ZDHHC24: variants seen among roughly 807,000 people sequenced by gnomAD.
ZDHHC24 encodes zDHHC palmitoyltransferase 24, also known as probable palmitoyltransferase ZDHHC24.
A neutral mutation model predicts 23.2 loss-of-function variants in ZDHHC24; 17 were observed. That is an observed-to-expected ratio of 0.73 (90% CI 0.50 to 1.10). The LOEUF is 1.10. Among genes scored for constraint, ZDHHC24 ranks in the 50% least tolerant of loss-of-function variants. The pLI, the probability that ZDHHC24 is intolerant of heterozygous loss-of-function variation, is 0.00. For synonymous variants in ZDHHC24, 186 were observed against 194.5 expected, an observed-to-expected ratio of 0.96 and a Z score of 0.36; for missense variants, 366 against 393.0, an observed-to-expected ratio of 0.93 and a Z score of 0.58.
chr11:66,532,208 T>G, downstream of ZDHHC24: 2 of 699,288 alleles, frequency 2.9e-6, no homozygotes, highest in Non-Finnish European at 4.7e-6. Flanking sequence ...AGTAGCAGGT[T>G]AGTGAGTACC....
chr11:66,526,873 G>C (rs1170961682), intron 4 of ZDHHC24: 5 of 1,613,128 alleles, frequency 3.1e-6, no homozygotes, highest in Non-Finnish European at 4.2e-6. Context: ...AAAGCTGGGG[G>C]AATGCTGCCC....
intron 3 of ZDHHC24, among the ~76,000 whole-genome samples, chr11:66,527,344 C>T (rs903332256): frequency 6.6e-6 from 1 of 151,378 alleles, no homozygotes; most frequent in South Asian, 2.1e-4. Flanking sequence ...ATGATTACAC[C>T]AGGCCTTGTG....
chr11:66,521,929 CAGG>C (rs1314597805), intron 4 of ZDHHC24, among the ~76,000 whole-genome samples: 1 of 107,020 alleles, frequency 9.3e-6, no homozygotes, highest in Non-Finnish European at 1.9e-5. Flanking sequence ...AAAAAAAAAG[CAGG>C]GGGGTGCCGG....
chr11:66,531,143 G>A (rs1033285670), downstream of ZDHHC24: 22 of 1,429,922 alleles, frequency 1.5e-5, no homozygotes, highest in Non-Finnish European at 1.8e-5. Context: ...GCTGCCAGGT[G>A]GCCAGCAGAC....
intron 3 of ZDHHC24, among the ~76,000 whole-genome samples, chr11:66,527,278 C>T (rs1352240154): frequency 6.6e-6 from 1 of 151,166 alleles, no homozygotes; most frequent in African/African-American, 2.4e-5. Flanking sequence ...CCAGTTTTTC[C>T]TGCCCGTTTA....
In ZDHHC24 at chr11:66,535,928, A is replaced by G. The variant is rs543035235; in HGVS notation, c.*3601T>C. The G allele has an allele frequency of 6.6e-6, 1 of 152,364 alleles. No individual in the cohort carries two copies. The highest frequency in any genetic ancestry group is 6.5e-5 in the Admixed American group (1 of 15,296). 9.4% of individuals were successfully genotyped at this position (152,364 alleles called of 1,614,324 possible). A position where few individuals can be genotyped will look rare whatever the true frequency, so the allele number is the denominator to read the frequency against. The stretch of plus-strand genomic sequence containing the variant: ...AAATCAATTATTGTATTTTCAATGG[A>G]TCACTAGGCAGCAGGGAAAAGGAAT... On this transcript the variant is annotated 3_prime_UTR_variant, in exon 3 of 3. Transcript: ENST00000310442.
At chr11:66,533,862 C>G (rs1184143572), downstream of ZDHHC24, among the ~76,000 whole-genome samples, 1 of 152,214 alleles carries the variant, frequency 6.6e-6, no homozygotes, top group Non-Finnish European at 1.5e-5. Flanking sequence ...CCTCAAATAT[C>G]TTCTTTAAAA....
In ZDHHC24 at chr11:66,543,825, G is replaced by A. The variant is rs372336400; in HGVS notation, c.438C>T (p.Ala146=). The A allele has an allele frequency of 3.7e-5, 60 of 1,613,652 alleles. No homozygotes were observed. The highest frequency in any genetic ancestry group is 7.7e-5 in the South Asian group (7 of 91,068). Residue 146 remains alanine, a synonymous_variant, in exon 2 of 3, where the codon GCC becomes GCT. Transcript: ENST00000310442. ...YRPFLCLLLH[A]AGVLLHVSVL... is the part of the protein sequence containing the mutation. ...CAGAGACGTGGAGCAGGACGCCGGCGGCATGAAGCAGCAGGCACAGGAAGG... is the reference window on the plus strand; with the variant it reads ...CAGAGACGTGGAGCAGGACGCCGGCAGCATGAAGCAGCAGGCACAGGAAGG...
chr11:66,529,876 C>T (rs1046224107), intron 2 of ZDHHC24: 4 of 1,610,140 alleles, frequency 2.5e-6, no homozygotes, highest in Non-Finnish European at 3.4e-6. Context: ...GCTGCCCGCG[C>T]CTACCTGCAG....
intron 3 of ZDHHC24, chr11:66,527,740 C>A (rs1247895386): frequency 6.6e-6 from 1 of 150,914 alleles, no homozygotes; most frequent in Non-Finnish European, 1.5e-5. Flanking sequence ...CTGGGGCCAA[C>A]TTCATGATCA....
chr11:66,533,393 A>T (rs1417658996), downstream of ZDHHC24: 1 of 152,240 alleles, frequency 6.6e-6, no homozygotes, highest in Non-Finnish European at 1.5e-5. Context: ...AAATGTGCTT[A>T]TATGACTCTT....
chr11:66,529,345 G>C, exon 3 of ZDHHC24: 3 of 1,528,532 alleles, frequency 2.0e-6, no homozygotes, highest in Non-Finnish European at 2.6e-6. Context: ...TGAGCCTGAG[G>C]TGTTGATGGG....
chr11:66,529,029 AT>A (rs1856644991), intron 3 of ZDHHC24: 5 of 969,414 alleles, frequency 5.2e-6, no homozygotes, highest in Non-Finnish European at 4.9e-6. Context: ...AGCCACAAAA[AT>A]TAATTCTGGA....
chr11:66,543,591 A>T, intron 2 of ZDHHC24, 113 bp downstream of exon 2: 1 of 1,363,876 alleles, frequency 7.3e-7, no homozygotes, highest in East Asian at 2.5e-5. Flanking sequence ...CATCACTGAC[A>T]CTGGGGCTGG....
rs1340281217 is a variant in ZDHHC24, at chr11:66,530,085, C to T, written c.560-597G>A. The T allele has an allele frequency of 8.4e-6, 11 of 1,313,738 alleles. No individual in the cohort carries two copies. The African/African-American group carries it at 1.0e-4, about 12-fold the overall frequency. 81.4% of individuals were successfully genotyped at this position (1,313,738 alleles called of 1,614,324 possible). The stretch of plus-strand genomic sequence containing the variant: ...CAGCCCGTGCTCCCCATCACCTTCC[C>T]GCAGACCTGGGGACCGAGTCTCATG... On this transcript the variant is annotated intron_variant, in intron 2 of 4. Transcript: ENST00000526986.
chr11:66,542,996 C>T (rs1054774985), intron 2 of ZDHHC24, among the ~76,000 whole-genome samples: 2 of 151,960 alleles, frequency 1.3e-5, no homozygotes, highest in Non-Finnish European at 2.9e-5. Flanking sequence ...CCGGAGTAGC[C>T]GGGGAGGTTC....
intron 4 of ZDHHC24, among the ~76,000 whole-genome samples, chr11:66,524,905 A>G (rs943194982): frequency 1.3e-5 from 2 of 152,008 alleles, no homozygotes; most frequent in Non-Finnish European, 2.9e-5. Context: ...AAATAAACAA[A>G]TTAGCCGGGT....
downstream of ZDHHC24, chr11:66,531,833 TGGGTGG>T: frequency 6.5e-7 from 1 of 1,545,218 alleles, no homozygotes; most frequent in East Asian, 2.3e-5. Context: ...AGGGGGCTCC[TGGGTGG>T]GGGTGGGGGT....
At chr11:66,533,818 A>G (rs1410525287), downstream of ZDHHC24, among the ~76,000 whole-genome samples, 3 of 152,082 alleles carry the variant, frequency 2.0e-5, no homozygotes, top group East Asian at 1.9e-4. Flanking sequence ...ATGGCTTCCT[A>G]TTTCTCAGTT....
Sources: gnomAD v4.1 joint callset for allele counts (sites outside exome capture counted in the v4.1 genomes callset) on GRCh38, gnomAD v4.1.1 for gene constraint, MANE v1.5 for transcripts, NCBI Gene and HGNC (gene_info 2026-07-23, HGNC 2026-07-21) for gene names.